The following TBCD variants were observed in gnomAD, a reference collection of about 807,000 sequenced individuals.
TBCD encodes tubulin folding cofactor D.
In TBCD, 105 loss-of-function variants were observed where a neutral mutation model predicts 169.3. That is an observed-to-expected ratio of 0.62 (90% confidence interval 0.53 to 0.73). TBCD has a LOEUF of 0.73. TBCD is among the 30% of genes least tolerant of loss of function. TBCD has a pLI of 0.00. For missense variants in TBCD, 1,444 were observed against 1,600.1 expected, an observed-to-expected ratio of 0.90 and a Z score of 1.66; for synonymous variants, 700 against 643.9, an observed-to-expected ratio of 1.09 and a Z score of -1.32.
At position 82,929,143 on chromosome 17, in the gene TBCD, G is replaced by A; in HGVS notation, c.2724G>A (p.Gln908=). 6.2e-7 allele frequency: 1 copy of A among 1,612,698 alleles called. No homozygotes were observed. ...AGCGCATCATGTGCTGTGTGGCCCA[G>A]CAGGCCAGTGAGAAGATTGACCGTT... The part of the protein sequence containing the change: ...TCERIMCCVA[Q]QASEKIDRFR... Residue 908 remains glutamine (Q), a synonymous_variant, in exon 31 of 39, where the codon CAG becomes CAA. Coordinates refer to ENST00000355528, the MANE Select transcript of TBCD (RefSeq NM_005993.5).
chr17:82,844,237 T>TGTGTGTGTGTGTGTGTGTGTGTG (rs1452592886), intron 13 of TBCD, among the ~76,000 whole-genome samples: 4 of 4,638 alleles, frequency 8.6e-4, no homozygotes, highest in Admixed American at 1.9e-3. Flanking sequence ...GTGTGTGTGT[T>TGTGTGTGTGTGTGTGTGTGTGTG]TAAAGACCTG....
intron 13 of TBCD, chr17:82,859,837 G>A (rs1384391406): frequency 3.0e-6 from 3 of 985,332 alleles, no homozygotes; most frequent in Non-Finnish European, 3.6e-6. Context: ...TCAGTGGGCG[G>A]TGAGTTGGGA....
intron 9 of TBCD, among the ~76,000 whole-genome samples, chr17:82,804,543 G>C (rs1360666827): frequency 6.6e-6 from 1 of 152,230 alleles, no homozygotes; most frequent in Non-Finnish European, 1.5e-5. Context: ...TGCATTGCTG[G>C]GGGGTGTGCT....
intron 13 of TBCD, among the ~76,000 whole-genome samples, chr17:82,836,995 C>T (rs1191052182): frequency 2.0e-5 from 3 of 152,134 alleles, no homozygotes; most frequent in Admixed American, 1.3e-4. Flanking sequence ...TATGGAGTCT[C>T]GGGCAGTGGT....
At position 82,909,593 on chromosome 17, in the gene TBCD, C is replaced by T. The variant is rs9894444; in HGVS notation, c.2006+286C>T. Among the ~76,000 whole-genome samples the T allele has an allele frequency of 0.2, 25,074 of 125,698 alleles. 2,620 individuals carry two copies. Among genetic ancestry groups the T allele is most frequent in the East Asian group, 0.41 (1,586 of 3,878 alleles). The allele number at this position is 125,698 out of a possible 152,430, so 82.5% of individuals were successfully genotyped here. A position where few individuals can be genotyped will look rare whatever the true frequency, so the allele number is the denominator to read the frequency against. The stretch of plus-strand genomic sequence containing the variant: ...GTGTCACCCGGCCCGCTGTGGGAGG[C>T]GCATGAGGGTCTGACCTGGTTGTGT... On this transcript the variant is annotated intron_variant, in intron 22 of 38. Transcript: ENST00000355528.
chr17:82,861,856 C>T (rs1172114834), intron 13 of TBCD, among the ~76,000 whole-genome samples: 2 of 151,784 alleles, frequency 1.3e-5, no homozygotes, highest in Admixed American at 6.6e-5. Context: ...AAGGTGCTTT[C>T]ATAGAGAACG....
In TBCD at chr17:82,914,565, C is replaced by T. The variant is rs113663536; in HGVS notation, c.2038+2776C>T. ...TGAGTGCAAACGCGGCACTCCTGCA[C>T]ATGTCGCCTCGCACCGTGGCGGGCG... On this transcript the variant is annotated intron_variant, in intron 23 of 38. Coordinates refer to ENST00000355528, the MANE Select transcript of TBCD (RefSeq NM_005993.5). Among the ~76,000 whole-genome samples, 470 of 152,330 alleles carry T rather than the reference C, an allele frequency of 3.1e-3. 5 individuals are homozygous for T. Among genetic ancestry groups the T allele is most frequent in the Middle Eastern group, 0.017 (5 of 294 alleles).
chr17:82,860,680 G>T (rs751282603), intron 13 of TBCD, among the ~76,000 whole-genome samples: 3 of 152,174 alleles, frequency 2.0e-5, no homozygotes, highest in Non-Finnish European at 4.4e-5. Flanking sequence ...TTTGTGGGGG[G>T]TCCTTGTGTG....
chr17:82,757,413 G>A (rs1412470051), intron 2 of TBCD, among the ~76,000 whole-genome samples: 2 of 152,066 alleles, frequency 1.3e-5, no homozygotes, highest in South Asian at 2.1e-4. Flanking sequence ...TTGAGGTCGG[G>A]AGTTCGAGAC....
chr17:82,871,829 G>T (rs576314928), intron 14 of TBCD, among the ~76,000 whole-genome samples: 1 of 152,350 alleles, frequency 6.6e-6, no homozygotes, highest in South Asian at 2.1e-4. Flanking sequence ...TCGTCTTTTG[G>T]ACGTCCTGGG....
At chr17:82,845,374 G>T (rs1472841431) in intron 13 of TBCD, among the ~76,000 whole-genome samples, 2 of 149,624 alleles carry the variant, frequency 1.3e-5, no homozygotes, top group African/African-American at 5.0e-5. Context: ...ATCCTGTCTG[G>T]CTCGGCCCCT....
chr17:82,855,098 G>A (rs573497239), intron 13 of TBCD, among the ~76,000 whole-genome samples: 77 of 152,162 alleles, frequency 5.1e-4, no homozygotes, highest in African/African-American at 1.7e-3. Context: ...TCACCCTGCT[G>A]TCCACCTCAC....
chr17:82,829,931 A>G (rs1598764936), intron 13 of TBCD: 1 of 783,136 alleles, frequency 1.3e-6, no homozygotes, highest in Non-Finnish European at 2.0e-6. Flanking sequence ...TGTTTTTACA[A>G]CCAAAAGTAG....
chr17:82,926,935 A>G, intron 28 of TBCD: 1 of 559,690 alleles, frequency 1.8e-6, no homozygotes, highest in South Asian at 2.1e-5. Flanking sequence ...CAGGGTGGGA[A>G]GTGGGAGGGA....
At chr17:82,925,719 T>C (rs1403757005) in intron 27 of TBCD, among the ~76,000 whole-genome samples, 1 of 152,124 alleles carries the variant, frequency 6.6e-6, no homozygotes, top group Admixed American at 6.5e-5. Context: ...AAAACTCGCA[T>C]GTGGGGGTTT....
At chr17:82,857,742 C>T (rs946039975) in intron 13 of TBCD, among the ~76,000 whole-genome samples, 2 of 111,678 alleles carry the variant, frequency 1.8e-5, no homozygotes, top group East Asian at 2.8e-4. Context: ...GCTTGTGTCT[C>T]ATGGTTTTTT....
chr17:82,932,208 G>T (rs1380956642), intron 33 of TBCD: 2 of 258,420 alleles, frequency 7.7e-6, no homozygotes, highest in Non-Finnish European at 1.5e-5. Context: ...AAGATTTATA[G>T]TTTTGGGTTG....
Position 82,887,177 on chromosome 17 carries a change from GCGCA to G in TBCD, c.1534-2488_1534-2485del, listed in dbSNP as rs1306036515. 3.9e-3 allele frequency among the ~76,000 whole-genome samples: 270 copies of G among 69,998 alleles called. 4 individuals are homozygous for G. In the Middle Eastern group the frequency reaches 0.06, roughly 15 times the overall value. The allele number at this position is 69,998 out of a possible 152,430, so 45.9% of individuals were successfully genotyped here. A position where few individuals can be genotyped will look rare whatever the true frequency, so the allele number is the denominator to read the frequency against. ...TGTGTGTGTGTGTGTGTGCGCGCGC[GCGCA>G]CGTGCGCTCACGCGTTTACTTCTGT... On this transcript the variant is annotated intron_variant, in intron 15 of 38. Transcript: ENST00000355528.
At position 82,944,691 on chromosome 17, in the gene TBCD, T is replaced by TG. The variant is rs1352068799; in HGVS notation, c.*2229dup. The TG allele has an allele frequency of 6.6e-6, 1 of 152,212 alleles. No homozygotes were observed. The allele number at this position is 152,212 out of a possible 1,614,324, so 9.4% of individuals were successfully genotyped here. On this transcript the variant is annotated 3_prime_UTR_variant, in exon 39 of 39. Coordinates refer to ENST00000355528, the MANE Select transcript of TBCD (RefSeq NM_005993.5). Reference sequence around the variant, plus strand: ...AGTATCCCTGGGACCGGGGAGCTGATGTGGGATTTGTGTACCCACAAACAC... The same window carrying TG: ...AGTATCCCTGGGACCGGGGAGCTGATGGTGGGATTTGTGTACCCACAAACAC...
Sources: allele counts gnomAD v4.1 joint callset (sites outside exome capture counted in the v4.1 genomes callset), GRCh38; gene constraint gnomAD v4.1.1; transcripts MANE v1.5; gene names NCBI Gene and HGNC (gene_info 2026-07-23, HGNC 2026-07-21).